Variants in PTPRM observed in about 807,000 individuals in gnomAD.
PTPRM encodes receptor-type tyrosine-protein phosphatase mu.
Under a neutral mutation model 186.7 loss-of-function variants are expected in PTPRM, and 47 were observed. The ratio of observed to expected loss-of-function variants is 0.25; its 90% CI spans 0.20 to 0.32. PTPRM has a LOEUF of 0.32. PTPRM is among the 10% of genes least tolerant of loss of function. The pLI, the probability that PTPRM is intolerant of heterozygous loss-of-function variation, is 1.00. For missense variants in PTPRM, 1,494 were observed against 1,865.0 expected (o/e 0.80, Z 3.66); for synonymous variants, 668 against 674.9 (o/e 0.99, Z 0.16).
At position 8,220,920 on chromosome 18, in the gene PTPRM, G is replaced by A. The variant is rs142730952; in HGVS notation, c.2301-23138G>A. Among the ~76,000 whole-genome samples the A allele has an allele frequency of 3.9e-5, 6 of 152,238 alleles. No individual in the cohort carries two copies. In the East Asian group the frequency reaches 1.2e-3, roughly 30 times the overall value. On this transcript the variant is annotated intron_variant, in intron 14 of 32. Coordinates refer to ENST00000580170, the MANE Select transcript of PTPRM (RefSeq NM_001105244.2). ...TCATTCATGAGATCCATCAGCATGAGGGCAGTTTCTTCATCAACAGACTGT... is the reference window on the plus strand; with the variant it reads ...TCATTCATGAGATCCATCAGCATGAAGGCAGTTTCTTCATCAACAGACTGT...
intron 11 of PTPRM, among the ~76,000 whole-genome samples, chr18:8,100,504 C>T (rs913890648): frequency 1.3e-5 from 2 of 152,142 alleles, no homozygotes; most frequent in African/African-American, 4.8e-5. Context: ...TCACTTATCC[C>T]CAAGGAGATG....
intron 3 of PTPRM, among the ~76,000 whole-genome samples, chr18:7,895,383 A>AAT (rs1718830435): frequency 6.6e-6 from 1 of 152,196 alleles, no homozygotes; most frequent in Admixed American, 6.5e-5. Context: ...TGTTTAGTGG[A>AAT]ATGTCAAAAG....
intron 1 of PTPRM, among the ~76,000 whole-genome samples, chr18:7,585,832 G>A (rs2036965438): frequency 6.6e-6 from 1 of 152,166 alleles, no homozygotes; most frequent in Non-Finnish European, 1.5e-5. Context: ...GAGTGAATTG[G>A]TAAGTGAAAG....
chr18:7,700,763 G>A (rs1312129213), intron 1 of PTPRM, among the ~76,000 whole-genome samples: 2 of 152,050 alleles, frequency 1.3e-5, no homozygotes, highest in African/African-American at 4.8e-5. Context: ...GGCTGAGGGA[G>A]GAGGATTACT....
chr18:8,049,972 A>C (rs927430292), intron 7 of PTPRM, among the ~76,000 whole-genome samples: 14 of 152,130 alleles, frequency 9.2e-5, no homozygotes, highest in African/African-American at 2.9e-4. Context: ...CGGCCTCCCA[A>C]AGTGCTGGGA....
intron 1 of PTPRM, among the ~76,000 whole-genome samples, chr18:7,589,787 A>G (rs1051892565): frequency 6.6e-6 from 1 of 152,218 alleles, no homozygotes; most frequent in African/African-American, 2.4e-5. Flanking sequence ...ATTTAACCTG[A>G]AAGAATCTTG....
At chr18:8,013,773 G>A (rs1226350031) in intron 7 of PTPRM, among the ~76,000 whole-genome samples, 2 of 152,190 alleles carry the variant, frequency 1.3e-5, no homozygotes, top group Admixed American at 1.3e-4. Context: ...ACTCATTTTG[G>A]GGAGAAAAAT....
intron 1 of PTPRM, among the ~76,000 whole-genome samples, chr18:7,734,107 A>T (rs976747857): frequency 6.6e-6 from 1 of 152,210 alleles, no homozygotes; most frequent in Non-Finnish European, 1.5e-5. Flanking sequence ...GCTGGCACAC[A>T]TCAGCTTTGC....
intron 7 of PTPRM, among the ~76,000 whole-genome samples, chr18:7,964,421 T>C (rs2053884481): frequency 6.6e-6 from 1 of 152,232 alleles, no homozygotes; most frequent in Non-Finnish European, 1.5e-5. Flanking sequence ...TCCTAGTTTC[T>C]TAATCCTTCT....
intron 6 of PTPRM, among the ~76,000 whole-genome samples, chr18:7,954,661 C>T (rs1012953636): frequency 6.6e-6 from 1 of 152,088 alleles, no homozygotes; most frequent in Non-Finnish European, 1.5e-5. Context: ...AGAACTTTTA[C>T]CAGTTAACTT....
intron 1 of PTPRM, among the ~76,000 whole-genome samples, chr18:7,700,779 T>G (rs532777168): frequency 7.9e-5 from 12 of 151,010 alleles, no homozygotes; most frequent in Non-Finnish European, 1.8e-4. Flanking sequence ...TTACTTTAGC[T>G]CAGGAGTTCA....
chr18:8,383,412 G>C (rs2095751697), intron 29 of PTPRM, among the ~76,000 whole-genome samples: 1 of 150,348 alleles, frequency 6.7e-6, no homozygotes, highest in Non-Finnish European at 1.5e-5. Flanking sequence ...GCCTGTTAAG[G>C]TTTCGGGGCT....
intron 1 of PTPRM, among the ~76,000 whole-genome samples, chr18:7,633,840 C>T (rs1840894618): frequency 6.6e-6 from 1 of 152,186 alleles, no homozygotes; most frequent in Admixed American, 6.5e-5. Flanking sequence ...TCTACCTTCA[C>T]AGTATTTCCA....
intron 1 of PTPRM, among the ~76,000 whole-genome samples, chr18:7,695,417 A>G (rs1221633764): frequency 2.0e-5 from 3 of 152,178 alleles, no homozygotes; most frequent in South Asian, 2.1e-4. Flanking sequence ...ATGCTGATCA[A>G]TGGACCACTT....
At chr18:7,962,211 G>C (rs76287229) in intron 7 of PTPRM, among the ~76,000 whole-genome samples, 3,528 of 151,804 alleles carry the variant, frequency 0.023, 127 homozygotes, top group African/African-American at 0.082. Context: ...TGCCTGCCTT[G>C]TTCTTCTGTG....
At chr18:7,906,390 A>C (rs1599416866) in intron 3 of PTPRM, 115 bp from the exon 4 acceptor site, 1 of 758,894 alleles carries the variant, frequency 1.3e-6, no homozygotes, top group Admixed American at 2.2e-5. Context: ...TGTTACGTAC[A>C]TGAATGAATG....
intron 7 of PTPRM, among the ~76,000 whole-genome samples, chr18:7,962,769 C>G (rs1004297651): frequency 6.6e-6 from 1 of 152,168 alleles, no homozygotes; most frequent in African/African-American, 2.4e-5. Context: ...TGAAATTAAA[C>G]CCTGCCAAAA....
intron 7 of PTPRM, among the ~76,000 whole-genome samples, chr18:7,981,294 A>G (rs749506538): frequency 6.6e-6 from 1 of 152,132 alleles, no homozygotes; most frequent in Non-Finnish European, 1.5e-5. Context: ...TATCCCTGCT[A>G]CACTGGAAGC....
chr18:7,974,492 C>T (rs1014593843), intron 7 of PTPRM, among the ~76,000 whole-genome samples: 14 of 152,112 alleles, frequency 9.2e-5, no homozygotes, highest in South Asian at 8.3e-4. Flanking sequence ...TTAATCCGGA[C>T]GTTTTGGGCT....
Sources: allele counts gnomAD v4.1 joint callset (sites outside exome capture counted in the v4.1 genomes callset), GRCh38; gene constraint gnomAD v4.1.1; transcripts MANE v1.5; gene names NCBI Gene and HGNC (gene_info 2026-07-23, HGNC 2026-07-21).